The following SMARCA4 variants were observed in gnomAD, a reference collection of about 807,000 sequenced individuals.
SMARCA4 encodes the protein SWI/SNF-related matrix-associated actin-dependent regulator of chromatin subfamily A member 4.
In SMARCA4, 31 loss-of-function variants were observed where a neutral mutation model predicts 193.9. The ratio of observed to expected loss-of-function variants is 0.16; its 90% CI spans 0.12 to 0.22. The LOEUF is 0.22. SMARCA4 is among the 10% of genes least tolerant of loss of function. The pLI is 1.00. For missense variants in SMARCA4, 1,148 were observed against 2,296.0 expected (o/e 0.50, Z 10.22); for synonymous variants, 942 against 933.1 (o/e 1.01, Z -0.17).
At position 10,984,517 on chromosome 19, in the gene SMARCA4, G is replaced by C. The variant is rs1385753904; in HGVS notation, c.222+144G>C. The C allele has an allele frequency of 4.7e-5, 67 of 1,422,206 alleles. No homozygotes were observed. Among genetic ancestry groups the C allele is most frequent in the Admixed American group, 8.1e-5 (4 of 49,082 alleles). The allele number at this position is 1,422,206 out of a possible 1,614,324, so 88.1% of individuals were successfully genotyped here. A position where few individuals can be genotyped will look rare whatever the true frequency, so the allele number is the denominator to read the frequency against. On this transcript the variant is annotated intron_variant, in intron 2 of 34. Coordinates refer to ENST00000344626, the MANE Select transcript of SMARCA4 (RefSeq NM_003072.5). This position sits in a 1 kb window ranked among gnomAD's most constrained non-coding sequence, Gnocchi z 4.3. ...TGCCTTGGCTCAGCCCCCTACCCCA[G>C]GGCCCACGGCCATGAACAGAAGGTT...
intron 30 of SMARCA4, among the ~76,000 whole-genome samples, chr19:11,057,234 G>C (rs1172544052): frequency 6.6e-6 from 1 of 152,252 alleles, no homozygotes; most frequent in Non-Finnish European, 1.5e-5. Context: ...GCTGGGTTCT[G>C]TCAGAGCAAG....
At chr19:10,996,780 G>C (rs1474244836) in intron 11 of SMARCA4, among the ~76,000 whole-genome samples, 1 of 151,062 alleles carries the variant, frequency 6.6e-6, no homozygotes, top group East Asian at 2.0e-4. Context: ...GTTTTACTTT[G>C]TTGTAACGTC....
At position 11,033,642 on chromosome 19, in the gene SMARCA4, G is replaced by A. The variant is rs2075078905; in HGVS notation, c.3774+125G>A. ...TTTGCATCCCTTTGGAGTAAAGGGA[G>A]TGTGGGCTGAACGGAAAGAGGATGA... On this transcript the variant is annotated intron_variant, in intron 26 of 34. Transcript: ENST00000344626. The surrounding 1 kb of genome is among the most constrained non-coding windows in gnomAD (Gnocchi z 9.8). The A allele has an allele frequency of 1.3e-6, 1 of 799,970 alleles. No individual in the cohort carries two copies. The highest frequency in any genetic ancestry group is 1.9e-5 in the Admixed American group (1 of 53,284). 49.6% of individuals were successfully genotyped at this position (799,970 alleles called of 1,614,324 possible). A position where few individuals can be genotyped will look rare whatever the true frequency, so the allele number is the denominator to read the frequency against.
chr19:11,028,248 A>G (rs1425107934), intron 24 of SMARCA4, among the ~76,000 whole-genome samples: 1 of 152,224 alleles, frequency 6.6e-6, no homozygotes, highest in Non-Finnish European at 1.5e-5. Context: ...ATTCCATACC[A>G]TGTGGACACA....
chr19:10,989,858 T>C (rs1049869804), intron 7 of SMARCA4, among the ~76,000 whole-genome samples: 17 of 151,944 alleles, frequency 1.1e-4, no homozygotes, highest in African/African-American at 4.1e-4. Flanking sequence ...TGTGCCACCA[T>C]GCCTAATTTT....
chr19:11,060,642 G>A lies in SMARCA4; in HGVS notation c.4911+455G>A, dbSNP rs148971874. 951 of 222,074 alleles carry A rather than the reference G, an allele frequency of 4.3e-3. 8 individuals are homozygous for A. The highest frequency in any genetic ancestry group is 0.024 in the South Asian group (326 of 13,540). 13.8% of individuals were successfully genotyped at this position (222,074 alleles called of 1,614,324 possible). On this transcript the variant is annotated intron_variant, in intron 34 of 34. Coordinates refer to ENST00000344626, the MANE Select transcript of SMARCA4 (RefSeq NM_003072.5). ...AGTTTTTGGGGTGCAGTGGGGAGCC[G>A]GAGAAGATCCACTTGCTGGCTTTAA...
chr19:10,982,415 C>T (rs2085625614), intron 1 of SMARCA4, among the ~76,000 whole-genome samples: 3 of 151,682 alleles, frequency 2.0e-5, no homozygotes, highest in Non-Finnish European at 2.9e-5. Context: ...CGGAGGTTGC[C>T]GTAAGCCAAG....
intron 16 of SMARCA4, chr19:11,018,417 G>T: frequency 3.8e-6 from 1 of 260,910 alleles, no homozygotes; most frequent in Non-Finnish European, 7.6e-6. Context: ...GAACAGCCAC[G>T]AGTTGCCGCT....
rs577864939 is a variant in SMARCA4, at chr19:11,019,833, C to T, written c.2616+132C>T. 1.4e-6 allele frequency: 1 copy of T among 722,624 alleles called. No homozygotes were observed. The highest frequency in any genetic ancestry group is 2.0e-5 in the Admixed American group (1 of 49,592). 44.8% of individuals were successfully genotyped at this position (722,624 alleles called of 1,614,324 possible). A position where few individuals can be genotyped will look rare whatever the true frequency, so the allele number is the denominator to read the frequency against. On this transcript the variant is annotated intron_variant, in intron 18 of 34. Transcript: ENST00000344626. This position sits in a 1 kb window ranked among gnomAD's most constrained non-coding sequence, Gnocchi z 6.1. Reference sequence around the variant, plus strand: ...CCTGCATGTGCGTGAAGACAGCTGCCCTGTGTAGGGGAAAGGCCTAGGTGG... The same window carrying T: ...CCTGCATGTGCGTGAAGACAGCTGCTCTGTGTAGGGGAAAGGCCTAGGTGG...
rs373310523 is a variant in SMARCA4 at position 10,996,395 on chromosome 19, G to A, written c.1761+15G>A. Reference sequence around the variant, plus strand: ...AGAAAAAGAAGGTGTGCTGGGCCTGGCATGGTGCCCGCCGCGGGTGGGATG... The same window carrying A: ...AGAAAAAGAAGGTGTGCTGGGCCTGACATGGTGCCCGCCGCGGGTGGGATG... On this transcript the variant is annotated intron_variant, in intron 10 of 34. Transcript: ENST00000344626. 2.5e-6 allele frequency: 4 copies of A among 1,614,164 alleles called. No homozygotes were observed. The highest frequency in any genetic ancestry group is 2.5e-6 in the Non-Finnish European group (3 of 1,179,972).
At chr19:11,008,518 G>T (rs573077871) in intron 14 of SMARCA4, among the ~76,000 whole-genome samples, 1 of 152,158 alleles carries the variant, frequency 6.6e-6, no homozygotes, top group Non-Finnish European at 1.5e-5. Flanking sequence ...GGTCCTCAGC[G>T]TGCAGTGTCA....
chr19:11,025,374 C>A (rs2146493612), intron 21 of SMARCA4, 48 bp from the exon 22 acceptor site: 2 of 1,333,438 alleles, frequency 1.5e-6, no homozygotes, highest in Non-Finnish European at 2.2e-6. Context: ...GCCCACCCCA[C>A]CCCAGGAGGG....
chr19:11,023,296 A>G (rs2090007036), intron 19 of SMARCA4, among the ~76,000 whole-genome samples: 1 of 152,238 alleles, frequency 6.6e-6, no homozygotes, highest in African/African-American at 2.4e-5. Context: ...TCCATGTCCC[A>G]GGAATTACAT....
intron 1 of SMARCA4, among the ~76,000 whole-genome samples, chr19:10,966,613 G>T (rs529638779): frequency 4.9e-5 from 7 of 142,128 alleles, no homozygotes; most frequent in Non-Finnish European, 7.7e-5. Context: ...TGGGCTGGGC[G>T]CGGTGGCTCA....
At chr19:10,991,367 C>A (rs2145885244) in intron 8 of SMARCA4, 44 bp downstream of exon 8, 2 of 1,556,752 alleles carry the variant, frequency 1.3e-6, no homozygotes, top group East Asian at 2.4e-5. Flanking sequence ...GCCCACCTGG[C>A]TGCCTGGCTT....
rs2076702354 is a variant in SMARCA4, at chr19:11,058,955, C to T, written c.4635+66C>T. 5.6e-6 allele frequency: 7 copies of T among 1,254,924 alleles called. No homozygotes were observed. The highest frequency in any genetic ancestry group is 3.5e-5 in the Admixed American group (2 of 57,714). 77.7% of individuals were successfully genotyped at this position (1,254,924 alleles called of 1,614,324 possible). Reference sequence around the variant, plus strand: ...AGCTGGGCTTTGACCCAACCCGCCCCTCCTTCCCTTCTGAATTGATGGGTT... The same window carrying T: ...AGCTGGGCTTTGACCCAACCCGCCCTTCCTTCCCTTCTGAATTGATGGGTT... On this transcript the variant is annotated intron_variant, in intron 32 of 34. Coordinates refer to ENST00000344626, the MANE Select transcript of SMARCA4 (RefSeq NM_003072.5). The surrounding 1 kb of genome is among the most constrained non-coding windows in gnomAD (Gnocchi z 5.8).
At chr19:10,989,223 G>A (rs112237790) in intron 6 of SMARCA4, 94 bp from the exon 7 acceptor site, 1 of 1,485,388 alleles carries the variant, frequency 6.7e-7, no homozygotes. Context: ...ACTAGTGCCT[G>A]CCTCTCTCGA....
rs911904325 is a variant in SMARCA4, at chr19:11,061,925, C to G, written c.*109C>G. ...ATGTAGTTTCAGACTTGGAGTAAAA[C>G]TGTATAAACAAAAGAATCTTCCATA... On this transcript the variant is annotated 3_prime_UTR_variant, in exon 35 of 35. Coordinates refer to ENST00000344626, the MANE Select transcript of SMARCA4 (RefSeq NM_003072.5). The G allele has an allele frequency of 1.2e-5, 12 of 1,032,748 alleles. 1 individual carries two copies. The Admixed American group carries it at 1.6e-4, about 13-fold the overall frequency. The allele number at this position is 1,032,748 out of a possible 1,614,324, so 64.0% of individuals were successfully genotyped here.
intron 22 of SMARCA4, 61 bp from the exon 23 acceptor site, chr19:11,026,239 C>T (rs185771358): frequency 2.7e-5 from 37 of 1,350,242 alleles, no homozygotes; most frequent in South Asian, 8.1e-5. Context: ...GTGTGCGGAC[C>T]GCAGCGGGGC....
Sources: gnomAD v4.1 joint callset for allele counts (sites outside exome capture counted in the v4.1 genomes callset) on GRCh38, gnomAD v4.1.1 for gene constraint, Gnocchi (gnomAD v3.1) non-coding constraint, MANE v1.5 for transcripts, NCBI Gene and HGNC (gene_info 2026-07-23, HGNC 2026-07-21) for gene names.